GALNT8: variants seen among roughly 807,000 people sequenced by gnomAD.
GALNT8 encodes the protein probable polypeptide N-acetylgalactosaminyltransferase 8.
In GALNT8, 66 loss-of-function variants were observed where a neutral mutation model predicts 62.7. That is an observed-to-expected ratio of 1.05 (90% CI 0.86 to 1.29). GALNT8 has a LOEUF of 1.29. Among genes scored for constraint, GALNT8 ranks in the 50% most tolerant of loss-of-function variants. The pLI, the probability that GALNT8 is intolerant of heterozygous loss-of-function variation, is 0.00. For synonymous variants in GALNT8, 288 were observed against 294.3 expected (o/e 0.98, Z 0.22); for missense variants, 771 against 791.8 (o/e 0.97, Z 0.32).
At chr12:4,721,609 T>A (rs903574964) in intron 1 of GALNT8, among the ~76,000 whole-genome samples, 1 of 152,202 alleles carries the variant, frequency 6.6e-6, no homozygotes, top group Non-Finnish European at 1.5e-5. Context: ...ATGTCCCACC[T>A]CCAGCCCTAA....
chr12:4,772,431 C>G lies in GALNT8; in HGVS notation c.1762-14C>G. 1.2e-6 allele frequency: 2 copies of G among 1,611,768 alleles called. No homozygotes were observed. On this transcript the variant is annotated splice_polypyrimidine_tract_variant and intron_variant, in intron 10 of 10. Transcript: ENST00000252318. ...GCATTTCAGCACCTTGGCTCTGTCT[C>G]TCTTCCCCTCCAGGGAGGAGCTGTC... is the stretch of plus-strand genomic sequence containing the variant.
At position 4,769,829 on chromosome 12, in the gene GALNT8, G is replaced by A. The variant is rs144917191; in HGVS notation, c.1762-2616G>A. Reference sequence around the variant, plus strand: ...ATCTCAGAGGAGCTGCTCCATGCCCGCCTCACCTGCCAGCAGCCCATGTGC... The same window carrying A: ...ATCTCAGAGGAGCTGCTCCATGCCCACCTCACCTGCCAGCAGCCCATGTGC... On this transcript the variant is annotated intron_variant, in intron 10 of 10. Transcript: ENST00000252318. Among the ~76,000 whole-genome samples the A allele has an allele frequency of 7.7e-4, 117 of 152,008 alleles. 1 individual carries two copies. In the East Asian group the frequency reaches 0.02, roughly 26 times the overall value.
chr12:4,763,905 T>C, intron 8 of GALNT8, 47 bp from the exon 9 acceptor site: 2 of 983,890 alleles, frequency 2.0e-6, no homozygotes, highest in Non-Finnish European at 3.3e-6. Context: ...TGGCGCCTCA[T>C]TCTCTGTCCT....
In GALNT8 at chr12:4,725,159, G is replaced by C. The variant is rs144900589; in HGVS notation, c.212-1373G>C. ...TCAGAGTGCCTTGATCACCATGGTG[G>C]GATTTAGTGCTGAAGAATGTCATCA... On this transcript the variant is annotated intron_variant, in intron 1 of 10. Transcript: ENST00000252318. Among the ~76,000 whole-genome samples, 889 of 152,232 alleles carry C rather than the reference G, an allele frequency of 5.8e-3. 11 individuals are homozygous for C. Among genetic ancestry groups the C allele is most frequent in the African/African-American group, 0.02 (824 of 41,538 alleles).
At chr12:4,738,038 C>T (rs1463718388) in intron 2 of GALNT8, among the ~76,000 whole-genome samples, 3 of 152,220 alleles carry the variant, frequency 2.0e-5, no homozygotes, top group Non-Finnish European at 2.9e-5. Context: ...CTCTAGCCTG[C>T]TTTAGCTTTC....
intron 6 of GALNT8, among the ~76,000 whole-genome samples, chr12:4,751,789 G>A (rs1946323275): frequency 6.6e-6 from 1 of 152,136 alleles, no homozygotes; most frequent in African/African-American, 2.4e-5. Context: ...TACAGATTAA[G>A]TCTGATGTTT....
rs754027944 is a variant in GALNT8 at position 4,720,887 on chromosome 12, G to A, written c.210G>A (p.Leu70=). The A allele has an allele frequency of 5.2e-5, 82 of 1,568,676 alleles. No individual in the cohort carries two copies. Among genetic ancestry groups the A allele is most frequent in the Non-Finnish European group, 7.0e-5 (80 of 1,139,008 alleles). ...LSHLEVELQD[L]KESMKLALRQ... ...ACTTGGAGGTGGAATTGCAGGATCT[G>A]AGTAAGTTTACAATGCTAACCTGGA... Residue 70 remains leucine, a splice_region_variant and synonymous_variant, in exon 1 of 11, where the codon CTG becomes CTA. Coordinates refer to ENST00000252318, the MANE Select transcript of GALNT8 (RefSeq NM_017417.2).
At chr12:4,721,789 CGGGCT>C (rs1260170279) in intron 1 of GALNT8, among the ~76,000 whole-genome samples, 1 of 152,068 alleles carries the variant, frequency 6.6e-6, no homozygotes, top group African/African-American at 2.4e-5. Flanking sequence ...TTACGGGTGT[CGGGCT>C]GGGGGACAGT....
intron 1 of GALNT8, among the ~76,000 whole-genome samples, chr12:4,721,707 A>AT (rs1946170570): frequency 6.6e-6 from 1 of 151,624 alleles, no homozygotes; most frequent in Admixed American, 6.6e-5. Context: ...CAGGAGACAG[A>AT]TGCCTTCCTC....
intron 6 of GALNT8, among the ~76,000 whole-genome samples, chr12:4,748,380 T>C (rs1019955247): frequency 1.3e-5 from 2 of 152,182 alleles, no homozygotes; most frequent in African/African-American, 4.8e-5. Flanking sequence ...TTTAATCTAT[T>C]TTCATTTTAT....
chr12:4,730,139 A>G (rs1030521940), intron 2 of GALNT8, among the ~76,000 whole-genome samples: 4 of 152,018 alleles, frequency 2.6e-5, no homozygotes, highest in African/African-American at 9.7e-5. Flanking sequence ...ATGGTTTGCA[A>G]ATATTTCCTC....
At chr12:4,743,644 C>T (rs181676478) in intron 3 of GALNT8, among the ~76,000 whole-genome samples, 2 of 152,288 alleles carry the variant, frequency 1.3e-5, no homozygotes, top group African/African-American at 4.8e-5. Context: ...AGGTTCACAT[C>T]CAGGGCGTGC....
intron 1 of GALNT8, among the ~76,000 whole-genome samples, chr12:4,723,453 G>T (rs1479566088): frequency 1.3e-5 from 2 of 152,114 alleles, no homozygotes; most frequent in Non-Finnish European, 2.9e-5. Flanking sequence ...ACCACACCAG[G>T]ACTGTCTCAC....
intron 6 of GALNT8, among the ~76,000 whole-genome samples, chr12:4,759,539 T>A (rs1946362225): frequency 6.6e-6 from 1 of 151,376 alleles, no homozygotes; most frequent in African/African-American, 2.4e-5. Context: ...TTTCAAAGCC[T>A]TGCTTTTTTT....
rs1217089499 is a variant in GALNT8 at position 4,720,566 on chromosome 12, A to G, written c.-112A>G. On this transcript the variant is annotated 5_prime_UTR_variant, in exon 1 of 11. Coordinates refer to ENST00000252318, the MANE Select transcript of GALNT8 (RefSeq NM_017417.2). ...GTCTCACACAGGGGAGACCAACTCA[A>G]CTGGCACCTAGAACTCTCTTTCCCA... is the stretch of plus-strand genomic sequence containing the variant. 1.2e-5 allele frequency: 9 copies of G among 757,874 alleles called. No individual in the cohort carries two copies. Among genetic ancestry groups the G allele is most frequent in the South Asian group, 6.3e-5 (4 of 63,242 alleles). 46.9% of individuals were successfully genotyped at this position (757,874 alleles called of 1,614,324 possible).
chr12:4,762,014 T>G (rs1946375620), intron 7 of GALNT8, among the ~76,000 whole-genome samples: 1 of 152,128 alleles, frequency 6.6e-6, no homozygotes, highest in Non-Finnish European at 1.5e-5. Context: ...GATCACTAGG[T>G]CTGGAGATTG....
At chr12:4,763,674 C>A (rs1023286134) in intron 8 of GALNT8, among the ~76,000 whole-genome samples, 1 of 136,714 alleles carries the variant, frequency 7.3e-6, no homozygotes, top group African/African-American at 2.7e-5. Context: ...TTGGCCTTGT[C>A]CGCCTGAACT....
At chr12:4,770,111 G>A (rs1215165093) in intron 10 of GALNT8, among the ~76,000 whole-genome samples, 1 of 152,014 alleles carries the variant, frequency 6.6e-6, no homozygotes, top group Non-Finnish European at 1.5e-5. Flanking sequence ...AGACCAGCCT[G>A]GCCAACATGG....
intron 2 of GALNT8, among the ~76,000 whole-genome samples, chr12:4,727,101 G>A (rs114841966): frequency 0.01 from 1,541 of 152,214 alleles, 26 homozygotes; most frequent in African/African-American, 0.036. Flanking sequence ...AGATATGGTG[G>A]GTCTAACTGA....
Sources: gnomAD v4.1 joint callset for allele counts (sites outside exome capture counted in the v4.1 genomes callset) on GRCh38, gnomAD v4.1.1 for gene constraint, MANE v1.5 for transcripts, NCBI Gene and HGNC (gene_info 2026-07-23, HGNC 2026-07-21) for gene names.